The following COL21A1 variants were observed in gnomAD, a reference collection of about 807,000 sequenced individuals.
COL21A1 encodes collagen alpha-1(XXI) chain.
Under a neutral mutation model 137.9 loss-of-function variants are expected in COL21A1, and 149 were observed. That is an observed-to-expected ratio of 1.08 (90% CI 0.95 to 1.24). COL21A1 has a LOEUF of 1.24. Among genes scored for constraint, COL21A1 ranks in the 50% most tolerant of loss-of-function variants. The pLI, the probability that COL21A1 is intolerant of heterozygous loss-of-function variation, is 0.00. For missense variants in COL21A1, 1,167 were observed against 1,158.4 expected, an observed-to-expected ratio of 1.01 and a Z score of -0.11; for synonymous variants, 456 against 391.5, an observed-to-expected ratio of 1.16 and a Z score of -1.95.
chr6:56,193,347 C>T (rs994263553), intron 1 of COL21A1, among the ~76,000 whole-genome samples: 2 of 151,858 alleles, frequency 1.3e-5, no homozygotes, highest in Non-Finnish European at 2.9e-5. Context: ...AAAAGAAATG[C>T]TAATCAGCAA....
At chr6:56,312,242 G>A (rs749345786) in intron 1 of COL21A1, among the ~76,000 whole-genome samples, 1 of 152,162 alleles carries the variant, frequency 6.6e-6, no homozygotes, top group Admixed American at 6.6e-5. Context: ...AATGGAAGCC[G>A]ATTGTTGACT....
chr6:56,326,601 A>C (rs1765097353), intron 1 of COL21A1, among the ~76,000 whole-genome samples: 1 of 151,990 alleles, frequency 6.6e-6, no homozygotes, highest in Non-Finnish European at 1.5e-5. Flanking sequence ...GACAAATCAA[A>C]ATAACAGTCA....
At chr6:56,289,870 C>T (rs966181944) in intron 1 of COL21A1, among the ~76,000 whole-genome samples, 3 of 152,220 alleles carry the variant, frequency 2.0e-5, no homozygotes, top group Non-Finnish European at 4.4e-5. Flanking sequence ...CTGATGTTTG[C>T]AACCAGTTGC....
At chr6:56,283,864 TCA>T (rs142900697) in intron 1 of COL21A1, among the ~76,000 whole-genome samples, 1 of 133,802 alleles carries the variant, frequency 7.5e-6, no homozygotes, top group Non-Finnish European at 1.7e-5. Context: ...GTAGACACAC[TCA>T]CACACACACT....
At chr6:56,240,124 C>T (rs1782193422) in intron 1 of COL21A1, among the ~76,000 whole-genome samples, 2 of 151,766 alleles carry the variant, frequency 1.3e-5, no homozygotes, top group African/African-American at 4.9e-5. Flanking sequence ...GATTATAAGG[C>T]CTCCCTAGCC....
At chr6:56,165,319 A>G (rs564423432) in intron 7 of COL21A1, among the ~76,000 whole-genome samples, 42 of 152,318 alleles carry the variant, frequency 2.8e-4, no homozygotes, top group African/African-American at 9.9e-4. Flanking sequence ...AATAAAAATT[A>G]GTTCAAAAAT....
intron 1 of COL21A1, among the ~76,000 whole-genome samples, chr6:56,219,489 C>T (rs946333301): frequency 2.0e-5 from 3 of 152,078 alleles, no homozygotes; most frequent in Admixed American, 6.6e-5. Context: ...CAAACTTTTG[C>T]TTCATTCGCC....
At chr6:56,239,678 T>C (rs10484709) in intron 1 of COL21A1, among the ~76,000 whole-genome samples, 8,428 of 152,240 alleles carry the variant, frequency 0.055, 356 homozygotes, top group African/African-American at 0.11. Flanking sequence ...ACAATTTGTT[T>C]GGAAGAAAAA....
intron 1 of COL21A1, among the ~76,000 whole-genome samples, chr6:56,275,976 G>A (rs1763637575): frequency 6.6e-6 from 1 of 152,118 alleles, no homozygotes; most frequent in South Asian, 2.1e-4. Flanking sequence ...TCAATCTAGT[G>A]CCCATTAACA....
At position 56,336,377 on chromosome 6, in the gene COL21A1, T is replaced by C. The variant is rs923190978; in HGVS notation, c.-39+57594A>G. On this transcript the variant is annotated intron_variant, in intron 1 of 28. Transcript: ENST00000370819. Reference sequence around the variant, plus strand: ...GTAACTTAACCGAAGATATGGAGTATCCTGTTTTATTTTTAATCTAATTAG... The same window carrying C: ...GTAACTTAACCGAAGATATGGAGTACCCTGTTTTATTTTTAATCTAATTAG... Among the ~76,000 whole-genome samples, 15 of 152,348 alleles carry C rather than the reference T, an allele frequency of 9.8e-5. 1 individual carries two copies. The highest frequency in any genetic ancestry group is 7.8e-4 in the Admixed American group (12 of 15,296).
chr6:56,192,088 C>CA (rs1304954109), intron 1 of COL21A1, among the ~76,000 whole-genome samples: 1 of 152,134 alleles, frequency 6.6e-6, no homozygotes, highest in Non-Finnish European at 1.5e-5. Context: ...CTGACACAAA[C>CA]AAGCAACAGG....
Position 56,170,862 on chromosome 6 carries a change from A to C in COL21A1, c.813T>G (p.Asn271Lys). 6.2e-7 allele frequency: 1 copy of C among 1,608,318 alleles called. No homozygotes were observed. Among genetic ancestry groups the C allele is most frequent in the East Asian group, 2.2e-5 (1 of 44,812 alleles). Reference sequence around the variant, plus strand: ...ATGGAGGAAGACCTTCTGGGAAAACATTGCTAGAAAAAGAAGAGCAAGTGT... The same window carrying C: ...ATGGAGGAAGACCTTCTGGGAAAACCTTGCTAGAAAAAGAAGAGCAAGTGT... Reference protein sequence around the residue: ...SKVDLSELTSNVFPEGLPPSY... With the variant: ...SKVDLSELTSKVFPEGLPPSY... Residue 271 changes from asparagine (N) to lysine (K), a missense_variant, in exon 5 of 30, where the codon AAT (asparagine) becomes AAG (lysine). Transcript: ENST00000244728.
At chr6:56,277,961 T>C (rs1455348331) in intron 1 of COL21A1, among the ~76,000 whole-genome samples, 1 of 152,198 alleles carries the variant, frequency 6.6e-6, no homozygotes, top group Middle Eastern at 3.2e-3. Context: ...ATAATTTTGG[T>C]CAACATTAAA....
chr6:56,219,343 A>T (rs1299826567), intron 1 of COL21A1, among the ~76,000 whole-genome samples: 1 of 151,992 alleles, frequency 6.6e-6, no homozygotes, highest in Non-Finnish European at 1.5e-5. Context: ...TATGCTCAGT[A>T]AATTGATGAC....
At chr6:56,139,837 G>C (rs999757476) in intron 12 of COL21A1, among the ~76,000 whole-genome samples, 1 of 152,040 alleles carries the variant, frequency 6.6e-6, no homozygotes, top group Non-Finnish European at 1.5e-5. Flanking sequence ...TGGATGCTGA[G>C]GACAATGGGA....
chr6:56,218,295 G>A (rs1780611804), intron 1 of COL21A1, among the ~76,000 whole-genome samples: 1 of 123,540 alleles, frequency 8.1e-6, no homozygotes, highest in Admixed American at 8.5e-5. Context: ...ATATGGCTTT[G>A]TAAAAAAAAA....
At chr6:56,233,754 G>T (rs1483341293) in intron 1 of COL21A1, among the ~76,000 whole-genome samples, 1 of 140,890 alleles carries the variant, frequency 7.1e-6, no homozygotes, top group African/African-American at 2.6e-5. Flanking sequence ...AAAAAAAAAA[G>T]ACCTATTTCA....
chr6:56,153,179 C>T (rs2840992), intron 10 of COL21A1, among the ~76,000 whole-genome samples: 14,335 of 152,092 alleles, frequency 0.094, 748 homozygotes, highest in African/African-American at 0.13. Flanking sequence ...GGTTTGGAGT[C>T]TATTCCTTCA....
chr6:56,139,073 G>A (rs541255032), intron 12 of COL21A1, among the ~76,000 whole-genome samples: 1 of 152,064 alleles, frequency 6.6e-6, no homozygotes, highest in African/African-American at 2.4e-5. Context: ...GGGTAGGAGG[G>A]TAGACATAGT....
Sources: gnomAD v4.1 joint callset for allele counts (sites outside exome capture counted in the v4.1 genomes callset) on GRCh38, gnomAD v4.1.1 for gene constraint, MANE v1.5 for transcripts, NCBI Gene and HGNC (gene_info 2026-07-23, HGNC 2026-07-21) for gene names.